The following DNMT3A variants were observed in gnomAD, a reference collection of about 807,000 sequenced individuals.
The protein encoded by DNMT3A is DNA methyltransferase 3 alpha.
In DNMT3A, 267 loss-of-function variants were observed where a neutral mutation model predicts 117.6. The ratio of observed to expected loss-of-function variants is 2.27; its 90% CI spans 2.05 to 2.51. DNMT3A has a LOEUF of 2.51. Ranked by LOEUF, DNMT3A falls within the 30% of genes most tolerant of loss-of-function variation. DNMT3A has a pLI of 0.00. For synonymous variants in DNMT3A, 432 were observed against 474.8 expected, an observed-to-expected ratio of 0.91 and a Z score of 1.17; for missense variants, 1,029 against 1,260.2, an observed-to-expected ratio of 0.82 and a Z score of 2.78.
At chr2:25,267,345 A>C (rs1045397559) in intron 6 of DNMT3A, among the ~76,000 whole-genome samples, 10 of 152,152 alleles carry the variant, frequency 6.6e-5, no homozygotes, top group South Asian at 4.1e-4. Context: ...AGGTGGAGGC[A>C]AAAGGACTGC....
At chr2:25,289,667 C>T (rs1403195624) in intron 3 of DNMT3A, among the ~76,000 whole-genome samples, 1 of 152,166 alleles carries the variant, frequency 6.6e-6, no homozygotes, top group African/African-American at 2.4e-5. Flanking sequence ...TCACAAATGC[C>T]CCCAGGGTTT....
intron 4 of DNMT3A, among the ~76,000 whole-genome samples, chr2:25,277,579 C>T (rs1573409184): frequency 6.6e-6 from 1 of 152,322 alleles, no homozygotes; most frequent in South Asian, 2.1e-4. Flanking sequence ...CTTGGGGCTT[C>T]CGACTGCATT....
chr2:25,270,727 A>G (rs1469872346), intron 6 of DNMT3A, among the ~76,000 whole-genome samples: 1 of 152,172 alleles, frequency 6.6e-6, no homozygotes, highest in Non-Finnish European at 1.5e-5. Context: ...GATCAGCTGA[A>G]GGAGGTGGGG....
At chr2:25,269,552 G>C (rs1573392160) in intron 6 of DNMT3A, among the ~76,000 whole-genome samples, 1 of 152,212 alleles carries the variant, frequency 6.6e-6, no homozygotes, top group East Asian at 1.9e-4. Context: ...GGACTGTAGT[G>C]AAAGTGGGGT....
chr2:25,299,658 C>T (rs1217461733), intron 3 of DNMT3A, among the ~76,000 whole-genome samples: 3 of 152,202 alleles, frequency 2.0e-5, no homozygotes, highest in Non-Finnish European at 4.4e-5. Context: ...TGGCCGGGCG[C>T]GGTGGCTCAT....
intron 1 of DNMT3A, among the ~76,000 whole-genome samples, chr2:25,338,017 C>T (rs1248099192): frequency 6.6e-6 from 1 of 152,208 alleles, no homozygotes; most frequent in Non-Finnish European, 1.5e-5. Flanking sequence ...GGTAGATGCT[C>T]TGGCCCTACC....
Position 25,244,355 on chromosome 2 carries a change from T to A in DNMT3A, c.1668-17A>T, listed in dbSNP as rs1327945312. On this transcript the variant is annotated splice_polypyrimidine_tract_variant and intron_variant, in intron 14 of 22. Transcript: ENST00000321117. ...CAAAAGCACCTGGAAGGAGACCCAG[T>A]GAGCAGAGGAGACTCTCAGCCCTGG... The A allele has an allele frequency of 6.3e-7, 1 of 1,589,958 alleles. No individual in the cohort carries two copies. The highest frequency in any genetic ancestry group is 8.6e-7 in the Non-Finnish European group (1 of 1,168,846).
intron 1 of DNMT3A, among the ~76,000 whole-genome samples, chr2:25,336,366 A>AG (rs2035216157): frequency 6.6e-6 from 1 of 152,084 alleles, no homozygotes; most frequent in Non-Finnish European, 1.5e-5. Flanking sequence ...GGAGTGGGCA[A>AG]GGGGGGACAT....
chr2:25,238,097 G>A (rs1673564017), intron 20 of DNMT3A, among the ~76,000 whole-genome samples: 1 of 152,218 alleles, frequency 6.6e-6, no homozygotes, highest in Admixed American at 6.5e-5. Context: ...GTTGAAAGAA[G>A]CAGGCGAGAA....
At chr2:25,277,567 G>A (rs2031538472) in intron 4 of DNMT3A, among the ~76,000 whole-genome samples, 1 of 152,204 alleles carries the variant, frequency 6.6e-6, no homozygotes, top group South Asian at 2.1e-4. Context: ...CTCGGACCTG[G>A]ACTTGGGGCT....
intron 15 of DNMT3A, 74 bp downstream of exon 15, chr2:25,244,081 T>C (rs1358505766): frequency 2.3e-5 from 37 of 1,602,788 alleles, no homozygotes; most frequent in African/African-American, 6.7e-5. Context: ...CCACACACCC[T>C]GCGCACAGCT....
chr2:25,291,229 T>C (rs919516407), intron 3 of DNMT3A, among the ~76,000 whole-genome samples: 1 of 152,232 alleles, frequency 6.6e-6, no homozygotes, highest in Non-Finnish European at 1.5e-5. Flanking sequence ...TTTTCCAGGT[T>C]GACTCTAGTT....
chr2:25,282,456 C>A lies in DNMT3A; in HGVS notation c.433G>T (p.Ala145Ser). The change falls in exon 4 of 23, where the codon GCC becomes TCC. Residue 145 changes from alanine (A) to serine (S), a missense_variant. By Grantham distance (99) the Ala-to-Ser change is moderately conservative (BLOSUM62 1). Coordinates refer to ENST00000321117, the MANE Select transcript of DNMT3A (RefSeq NM_022552.5). The surrounding 1 kb of genome is among the most constrained non-coding windows in gnomAD (Gnocchi z 5.2). Reference protein sequence around the residue: ...GCCTPKEGRGAPAEAGKEQKE... With the variant: ...GCCTPKEGRGSPAEAGKEQKE... ...GAGGACTCACCCGCTTCTGCAGGGG[C>A]TCCTCGGCCCTCCTTGGGGGTGCAG... 1 of 1,612,800 alleles carries A rather than the reference C, an allele frequency of 6.2e-7. No individual in the cohort carries two copies. The highest frequency in any genetic ancestry group is 1.1e-5 in the South Asian group (1 of 91,054).
At chr2:25,260,704 GCA>G (rs769393522) in intron 6 of DNMT3A, among the ~76,000 whole-genome samples, 1 of 151,986 alleles carries the variant, frequency 6.6e-6, no homozygotes, top group Non-Finnish European at 1.5e-5. Flanking sequence ...ACGCACACTT[GCA>G]CACACACACA....
chr2:25,252,726 G>T lies in DNMT3A; in HGVS notation c.640-4474C>A, dbSNP rs1484364248. Among the ~76,000 whole-genome samples, 2 of 152,090 alleles carry T rather than the reference G, an allele frequency of 1.3e-5. No homozygotes were observed. Among genetic ancestry groups the T allele is most frequent in the Admixed American group, 1.3e-4 (2 of 15,284 alleles). On this transcript the variant is annotated intron_variant, in intron 6 of 22. Coordinates refer to ENST00000321117, the MANE Select transcript of DNMT3A (RefSeq NM_022552.5). The surrounding 1 kb of genome is among the most constrained non-coding windows in gnomAD (Gnocchi z 5.5). Reference sequence around the variant, plus strand: ...CGGAGCTTTCGGACGGCCTGGGAGAGCCGGGAGAAAGTTGTGAAAAGTGAG... The same window carrying T: ...CGGAGCTTTCGGACGGCCTGGGAGATCCGGGAGAAAGTTGTGAAAAGTGAG...
intron 1 of DNMT3A, among the ~76,000 whole-genome samples, chr2:25,338,561 C>G (rs539874054): frequency 6.6e-6 from 1 of 152,136 alleles, no homozygotes; most frequent in Non-Finnish European, 1.5e-5. Flanking sequence ...CTCGCTGCCT[C>G]GGGGAGAGGA....
In DNMT3A at chr2:25,261,539, G is replaced by A. The variant is rs181312293; in HGVS notation, c.640-13287C>T. Among the ~76,000 whole-genome samples, 928 of 147,198 alleles carry A rather than the reference G, an allele frequency of 6.3e-3. 15 individuals carry two copies. The highest frequency in any genetic ancestry group is 0.022 in the African/African-American group (894 of 39,844). The stretch of plus-strand genomic sequence containing the variant: ...GGAGGATTGCTTGAACCCAGGAGGC[G>A]GAGGTTGAAGTGAGCCGAGATCACA... On this transcript the variant is annotated intron_variant, in intron 6 of 22. Coordinates refer to ENST00000321117, the MANE Select transcript of DNMT3A (RefSeq NM_022552.5).
chr2:25,297,918 G>T (rs978481479), intron 3 of DNMT3A, among the ~76,000 whole-genome samples: 1 of 152,228 alleles, frequency 6.6e-6, no homozygotes, highest in Non-Finnish European at 1.5e-5. Flanking sequence ...GCCCAGAGAG[G>T]TTAGGTGACT....
In DNMT3A at chr2:25,228,265, AG is replaced by A. The variant is rs1305077867; in HGVS notation, c.*6013del. 2.5e-5 allele frequency: 3 copies of A among 119,458 alleles called. No individual in the cohort carries two copies. Among genetic ancestry groups the A allele is most frequent in the African/African-American group, 9.0e-5 (3 of 33,248 alleles). The allele number at this position is 119,458 out of a possible 1,614,324, so 7.4% of individuals were successfully genotyped here. On this transcript the variant is annotated 3_prime_UTR_variant, in exon 23 of 23. Transcript: ENST00000321117. ...AAAAAAAAAAAAATACAGTGGTGAA[AG>A]GATGCTGGAACCAGGAAAAAAAAAT...
Sources: allele counts gnomAD v4.1 joint callset (sites outside exome capture counted in the v4.1 genomes callset), GRCh38; gene constraint gnomAD v4.1.1; non-coding constraint Gnocchi (gnomAD v3.1); transcripts MANE v1.5; gene names NCBI Gene and HGNC (gene_info 2026-07-23, HGNC 2026-07-21).